Variants in FLT1 observed in about 807,000 individuals in gnomAD.
The protein encoded by FLT1 is vascular endothelial growth factor receptor 1.
A neutral mutation model predicts 156.3 loss-of-function variants in FLT1; 49 were observed. The ratio of observed to expected loss-of-function variants is 0.31; its 90% CI spans 0.25 to 0.40. The LOEUF (loss-of-function observed/expected upper bound fraction) is 0.40, where lower values mean the gene tolerates loss of function less well. Among genes scored for constraint, FLT1 ranks in the 10% least tolerant of loss-of-function variants. The pLI, the probability that FLT1 is intolerant of heterozygous loss-of-function variation, is 1.00. For missense variants in FLT1, 1,322 were observed against 1,637.2 expected (o/e 0.81, Z 3.32); for synonymous variants, 594 against 583.8 (o/e 1.02, Z -0.25).
intron 1 of FLT1, among the ~76,000 whole-genome samples, chr13:28,478,587 G>A (rs760542998): frequency 6.6e-6 from 1 of 152,120 alleles, no homozygotes; most frequent in Non-Finnish European, 1.5e-5. Context: ...ATTCAACTAC[G>A]TCTTATAACC....
rs2138831319 is a variant in FLT1, at chr13:28,322,399, T to C, written c.2954-40A>G. On this transcript the variant is annotated intron_variant, in intron 21 of 29. Coordinates refer to ENST00000282397, the MANE Select transcript of FLT1 (RefSeq NM_002019.4). The surrounding 1 kb of genome is among the most constrained non-coding windows in gnomAD (Gnocchi z 4.3). ...AACCGTAACTGTTTGTAATGGCTCT[T>C]GTTATCCCACCAAATCCCAGTTTAT... The C allele has an allele frequency of 7.8e-7, 1 of 1,285,392 alleles. No individual in the cohort carries two copies. The allele number at this position is 1,285,392 out of a possible 1,614,324, so 79.6% of individuals were successfully genotyped here.
chr13:28,300,521 C>CCACACACCCACACACACACACACACACA lies in FLT1; in HGVS notation c.*2645_*2646insTGTGTGTGTGTGTGTGTGTGGGTGTGTG, dbSNP rs58634271. 5.1e-6 allele frequency: 1 copy of CCACACACCCACACACACACACACACACA among 196,134 alleles called. No individual in the cohort carries two copies. The highest frequency in any genetic ancestry group is 2.0e-4 in the South Asian group (1 of 5,046). 12.1% of individuals were successfully genotyped at this position (196,134 alleles called of 1,614,324 possible). A position where few individuals can be genotyped will look rare whatever the true frequency, so the allele number is the denominator to read the frequency against. ...AGTTATGCACAAAACACACATACAC[C>CCACACACCCACACACACACACACACACA]CACACACACACACACACACACACAC... is the stretch of plus-strand genomic sequence containing the variant. On this transcript the variant is annotated 3_prime_UTR_variant, in exon 30 of 30. Coordinates refer to ENST00000282397, the MANE Select transcript of FLT1 (RefSeq NM_002019.4).
At chr13:28,380,064 C>A (rs1424510552) in intron 14 of FLT1, among the ~76,000 whole-genome samples, 1 of 152,114 alleles carries the variant, frequency 6.6e-6, no homozygotes, top group African/African-American at 2.4e-5. Context: ...TTTTGAGCTG[C>A]CAGGCTTCAT....
chr13:28,455,528 CTA>C (rs1879210477), intron 3 of FLT1, among the ~76,000 whole-genome samples: 1 of 152,086 alleles, frequency 6.6e-6, no homozygotes, highest in Non-Finnish European at 1.5e-5. Context: ...AAATGCGAAA[CTA>C]TAAAACTCCT....
At position 28,334,093 on chromosome 13, in the gene FLT1, A is replaced by G; in HGVS notation, c.2525T>C (p.Val842Ala). 6.2e-7 allele frequency: 1 copy of G among 1,613,926 alleles called. No homozygotes were observed. Among genetic ancestry groups the G allele is most frequent in the East Asian group, 2.2e-5 (1 of 44,884 alleles). Residue 842 changes from valine (V) to alanine (A), a missense_variant, in exon 18 of 30, where the codon GTT becomes GCT. By Grantham distance (64) the Val-to-Ala change is moderately conservative. Coordinates refer to ENST00000282397, the MANE Select transcript of FLT1 (RefSeq NM_002019.4). ...SLGRGAFGKV[V>A]QASAFGIKKS... ...CTTAATGCCAAATGCTGATGCTTGA[A>G]CCACTTTTCCAAAAGCCCCTCTTCC...
chr13:28,379,421 G>T (rs747192275), intron 14 of FLT1, among the ~76,000 whole-genome samples: 4 of 152,190 alleles, frequency 2.6e-5, no homozygotes, highest in Non-Finnish European at 4.4e-5. Flanking sequence ...AGAACTGAAG[G>T]CAGCCCATGG....
chr13:28,353,572 C>CAAAAAAAAAAAAAAA (rs34155046), intron 15 of FLT1, among the ~76,000 whole-genome samples: 1 of 123,494 alleles, frequency 8.1e-6, no homozygotes. Context: ...GACTGTGTCT[C>CAAAAAAAAAAAAAAA]AAAAAAAAAA....
At chr13:28,391,674 C>T (rs1874729746) in intron 12 of FLT1, among the ~76,000 whole-genome samples, 2 of 152,218 alleles carry the variant, frequency 1.3e-5, no homozygotes, top group Admixed American at 6.5e-5. Flanking sequence ...GCAAAATAAA[C>T]TTCCTAAATT....
chr13:28,384,213 T>C (rs6491281), intron 14 of FLT1, among the ~76,000 whole-genome samples: 148,978 of 152,264 alleles, frequency 0.98, 72,984 homozygotes, highest in East Asian at 1. Context: ...GCAGGTGGAT[T>C]ACCTGAGGTC....
At chr13:28,454,241 C>T (rs754614376) in intron 3 of FLT1, among the ~76,000 whole-genome samples, 3 of 152,226 alleles carry the variant, frequency 2.0e-5, no homozygotes, top group Non-Finnish European at 2.9e-5. Context: ...CTACCAATCA[C>T]TACTGCCTCC....
intron 13 of FLT1, chr13:28,385,763 C>T (rs770116870): frequency 4.0e-6 from 4 of 1,005,918 alleles, no homozygotes; most frequent in Non-Finnish European, 4.8e-6. Context: ...CAATATAGTA[C>T]AACAAAATGA....
rs183524931 is a variant in FLT1, at chr13:28,330,664, C to T, written c.2594-936G>A. Among the ~76,000 whole-genome samples the T allele has an allele frequency of 5.8e-3, 865 of 148,084 alleles. 5 individuals are homozygous for T. Among genetic ancestry groups the T allele is most frequent in the Non-Finnish European group, 9.5e-3 (643 of 67,448 alleles). On this transcript the variant is annotated intron_variant, in intron 18 of 29. Transcript: ENST00000282397. ...GTCTATTTAAAAAATCTATTTCCCCCCTTTTAATAAATCAGAGACTTTTTC... is the reference window on the plus strand; with the variant it reads ...GTCTATTTAAAAAATCTATTTCCCCTCTTTTAATAAATCAGAGACTTTTTC...
chr13:28,468,582 T>A (rs1299667602), intron 1 of FLT1, among the ~76,000 whole-genome samples: 1 of 152,188 alleles, frequency 6.6e-6, no homozygotes, highest in African/African-American at 2.4e-5. Context: ...ATTGTAATCC[T>A]CAATGTTGGA....
At chr13:28,405,343 T>TA (rs1202094042) in intron 11 of FLT1, among the ~76,000 whole-genome samples, 1 of 152,212 alleles carries the variant, frequency 6.6e-6, no homozygotes, top group African/African-American at 2.4e-5. Context: ...GTTTTAGCTC[T>TA]AAGTCTTGCA....
At chr13:28,482,413 A>C (rs927184629) in intron 1 of FLT1, among the ~76,000 whole-genome samples, 1 of 152,036 alleles carries the variant, frequency 6.6e-6, no homozygotes, top group African/African-American at 2.4e-5. Flanking sequence ...GGACAACAAA[A>C]GTGAAACTCC....
intron 1 of FLT1, among the ~76,000 whole-genome samples, chr13:28,470,144 G>A (rs1327027929): frequency 2.0e-5 from 3 of 152,124 alleles, no homozygotes; most frequent in African/African-American, 4.8e-5. Flanking sequence ...TAAAATCCCT[G>A]TTTCATATGG....
At chr13:28,335,401 C>T (rs1450455277) in intron 17 of FLT1, among the ~76,000 whole-genome samples, 2 of 152,232 alleles carry the variant, frequency 1.3e-5, no homozygotes, top group Non-Finnish European at 2.9e-5. Flanking sequence ...TCTTTCCTCC[C>T]TTCCTTCCTC....
chr13:28,343,295 T>C (rs1593695386), intron 16 of FLT1, among the ~76,000 whole-genome samples: 1 of 150,962 alleles, frequency 6.6e-6, no homozygotes, highest in South Asian at 2.1e-4. Flanking sequence ...CATTATAATT[T>C]CTTTCTTTTC....
At chr13:28,357,491 T>A in intron 15 of FLT1, 63 bp downstream of exon 15, 1 of 1,579,416 alleles carries the variant, frequency 6.3e-7, no homozygotes, top group Non-Finnish European at 8.7e-7. Context: ...AGGTGGAAAG[T>A]TAAACAAACA....
Sources: allele counts gnomAD v4.1 joint callset (sites outside exome capture counted in the v4.1 genomes callset), GRCh38; gene constraint gnomAD v4.1.1; non-coding constraint Gnocchi (gnomAD v3.1); transcripts MANE v1.5; gene names NCBI Gene and HGNC (gene_info 2026-07-23, HGNC 2026-07-21).